The following VPS37A variants were observed in gnomAD, a reference collection of about 807,000 sequenced individuals.
VPS37A encodes VPS37A subunit of ESCRT-I.
Under a neutral mutation model 49.8 loss-of-function variants are expected in VPS37A, and 30 were observed. That is an observed-to-expected ratio of 0.60 (90% CI 0.45 to 0.82). VPS37A has a LOEUF of 0.82. Ranked by LOEUF, VPS37A falls within the 40% of genes least tolerant of loss-of-function variation. VPS37A has a pLI of 0.00. For missense variants in VPS37A, 593 were observed against 464.4 expected (o/e 1.28, Z -2.55); for synonymous variants, 195 against 160.6 (o/e 1.21, Z -1.62).
Position 17,266,128 on chromosome 8 carries a change from A to G in VPS37A, c.200+147A>G, listed in dbSNP as rs1813424473. 5 of 737,528 alleles carry G rather than the reference A, an allele frequency of 6.8e-6. No individual in the cohort carries two copies. In the South Asian group the frequency reaches 8.1e-5, roughly 12 times the overall value. The allele number at this position is 737,528 out of a possible 1,614,324, so 45.7% of individuals were successfully genotyped here. A position where few individuals can be genotyped will look rare whatever the true frequency, so the allele number is the denominator to read the frequency against. On this transcript the variant is annotated intron_variant, in intron 2 of 11. Coordinates refer to ENST00000324849, the MANE Select transcript of VPS37A (RefSeq NM_152415.3). ...TAGTGCACAATTCAGTGAAATAAAAATATTCGAAAGCTATCACTGTTATAG... is the reference window on the plus strand; with the variant it reads ...TAGTGCACAATTCAGTGAAATAAAAGTATTCGAAAGCTATCACTGTTATAG...
intron 6 of VPS37A, among the ~76,000 whole-genome samples, chr8:17,278,097 T>G (rs1814697860): frequency 1.3e-5 from 2 of 152,102 alleles, no homozygotes; most frequent in Admixed American, 1.3e-4. Context: ...TTGAAGATGT[T>G]TCTCTGTTTC....
chr8:17,267,701 T>C (rs766263917), intron 2 of VPS37A, among the ~76,000 whole-genome samples: 3 of 152,236 alleles, frequency 2.0e-5, no homozygotes, highest in East Asian at 1.9e-4. Context: ...TATCTTACTT[T>C]AGTTTTTCAA....
At chr8:17,322,043 T>C in the VPS37A span, among the ~76,000 whole-genome samples, 1 of 152,138 alleles carries the variant, frequency 6.6e-6, no homozygotes, top group South Asian at 2.1e-4. Flanking sequence ...TTGAACCCTG[T>C]GGGGTTGGTC....
intron 11 of VPS37A, 49 bp from the exon 12 acceptor site, chr8:17,294,938 T>C (rs1354289143): frequency 6.6e-6 from 1 of 152,290 alleles, no homozygotes; most frequent in African/African-American, 2.4e-5. Context: ...AAGAGATACA[T>C]ATTCATCTTC....
chr8:17,252,333 TTTGTTG>T (rs150978188), intron 1 of VPS37A, among the ~76,000 whole-genome samples: 1 of 151,694 alleles, frequency 6.6e-6, no homozygotes, highest in Non-Finnish European at 1.5e-5. Flanking sequence ...TTTAATTACT[TTTGTTG>T]TTGTTGTTGT....
Position 17,277,373 on chromosome 8 carries a change from T to C in VPS37A, c.713+906T>C, listed in dbSNP as rs150600690. ...CATTTAATAAGATTATCTTTTTTGC[T>C]TTAAATTTTTTTTAAATAATTGTTA... On this transcript the variant is annotated intron_variant, in intron 6 of 11. Coordinates refer to ENST00000324849, the MANE Select transcript of VPS37A (RefSeq NM_152415.3). Among the ~76,000 whole-genome samples the C allele has an allele frequency of 3.3e-5, 5 of 152,222 alleles. No individual in the cohort carries two copies. The East Asian group carries it at 7.7e-4, about 24-fold the overall frequency.
intron 1 of VPS37A, among the ~76,000 whole-genome samples, chr8:17,257,953 A>G (rs1812627121): frequency 1.3e-5 from 2 of 152,142 alleles, no homozygotes; most frequent in African/African-American, 2.4e-5. Flanking sequence ...TAGCATATGT[A>G]AATGCCACTA....
intron 1 of VPS37A, among the ~76,000 whole-genome samples, chr8:17,265,456 A>G (rs540742312): frequency 7.2e-5 from 11 of 152,332 alleles, no homozygotes; most frequent in Admixed American, 3.9e-4. Flanking sequence ...ATCCTCTGTC[A>G]TAAGATTGTA....
chr8:17,309,724 C>A, the VPS37A span, among the ~76,000 whole-genome samples: 1 of 152,194 alleles, frequency 6.6e-6, no homozygotes, highest in Non-Finnish European at 1.5e-5. Flanking sequence ...CCCCACTTCA[C>A]AGCCCAGGTC....
intron 1 of VPS37A, among the ~76,000 whole-genome samples, chr8:17,257,687 T>A (rs1223588242): frequency 2.0e-5 from 3 of 152,198 alleles, no homozygotes; most frequent in Non-Finnish European, 4.4e-5. Flanking sequence ...TCATTGGTAT[T>A]TTGCTAGGGA....
downstream of VPS37A, chr8:17,301,800 AAG>A (rs1817132891): frequency 3.4e-6 from 1 of 290,012 alleles, no homozygotes; most frequent in African/African-American, 2.2e-5. Flanking sequence ...AAAGTGGGGA[AAG>A]AGTTTTACAA....
intron 1 of VPS37A, among the ~76,000 whole-genome samples, chr8:17,251,540 T>C (rs141571115): frequency 6.6e-6 from 1 of 152,234 alleles, no homozygotes; most frequent in Middle Eastern, 3.2e-3. Context: ...AGCCAGCTTA[T>C]TGTTTGTAGA....
chr8:17,275,182 CAGTT>C (rs1177894272), intron 5 of VPS37A, among the ~76,000 whole-genome samples: 2 of 152,108 alleles, frequency 1.3e-5, no homozygotes, highest in African/African-American at 4.8e-5. Flanking sequence ...GGTAGAGACA[CAGTT>C]AGGGGAATGG....
intron 4 of VPS37A, chr8:17,272,048 T>A (rs1467594731): frequency 2.2e-6 from 1 of 456,778 alleles, no homozygotes; most frequent in South Asian, 1.5e-5. Flanking sequence ...CTTAGCTAGA[T>A]CATCCAATTC....
intron 1 of VPS37A, among the ~76,000 whole-genome samples, chr8:17,254,843 T>G (rs1812293710): frequency 6.6e-6 from 1 of 152,102 alleles, no homozygotes; most frequent in Non-Finnish European, 1.5e-5. Context: ...AAATAAAAAA[T>G]CTGTTTTGAT....
At chr8:17,307,413 T>G (rs1476448365), downstream of VPS37A, among the ~76,000 whole-genome samples, 1 of 152,054 alleles carries the variant, frequency 6.6e-6, no homozygotes, top group Non-Finnish European at 1.5e-5. Context: ...TGTGAAGAAA[T>G]AGGAACACTT....
chr8:17,304,579 T>C (rs1817329341), downstream of VPS37A: 10 of 1,536,872 alleles, frequency 6.5e-6, no homozygotes, highest in Admixed American at 3.5e-5. Context: ...ACAGTAGATA[T>C]GTTATATTAA....
chr8:17,273,894 G>A (rs1814251711), intron 4 of VPS37A, among the ~76,000 whole-genome samples: 1 of 152,162 alleles, frequency 6.6e-6, no homozygotes, highest in South Asian at 2.1e-4. Context: ...GTAAAGGGAA[G>A]CATTTTAGTA....
chr8:17,329,759 T>G, the VPS37A span, among the ~76,000 whole-genome samples: 1 of 152,298 alleles, frequency 6.6e-6, no homozygotes, highest in Non-Finnish European at 1.5e-5. Context: ...AAAACATAGT[T>G]TGTAGCAGGA....
Sources: allele counts gnomAD v4.1 joint callset (sites outside exome capture counted in the v4.1 genomes callset), GRCh38; gene constraint gnomAD v4.1.1; transcripts MANE v1.5; gene names NCBI Gene and HGNC (gene_info 2026-07-23, HGNC 2026-07-21).